Variants in CARF observed in about 807,000 individuals in gnomAD.
CARF encodes the protein calcium responsive transcription factor, also known as calcium-responsive transcription factor.
In CARF, 57 loss-of-function variants were observed where a neutral mutation model predicts 82.0. The observed-to-expected ratio is 0.70, with a 90% CI of 0.56 to 0.87. CARF has a LOEUF of 0.87. Among genes scored for constraint, CARF ranks in the 40% least tolerant of loss-of-function variants. CARF has a pLI of 0.00. For synonymous variants in CARF, 268 were observed against 290.1 expected (o/e 0.92, Z 0.77); for missense variants, 771 against 855.8 (o/e 0.90, Z 1.24).
chr2:202,964,337 T>A (rs1257614519), intron 9 of CARF, among the ~76,000 whole-genome samples: 1 of 152,128 alleles, frequency 6.6e-6, no homozygotes. Flanking sequence ...TGGAGTACAG[T>A]GGTGTGATCT....
rs762941191 is a variant in CARF at position 202,969,967 on chromosome 2, A to G, written c.1002A>G (p.Thr334=). The part of the protein sequence containing the change: ...VQKFPEYRVP[T]DPKIDKKIIR... Reference sequence around the variant, plus strand: ...AGTTTCCTGAATATAGAGTTCCTACAGACCCCAAAATTGACAAGAAAATTA... The same window carrying G: ...AGTTTCCTGAATATAGAGTTCCTACGGACCCCAAAATTGACAAGAAAATTA... Residue 334 remains threonine (T), a synonymous_variant, in exon 11 of 17, where the codon ACA becomes ACG. Transcript: ENST00000438828. The G allele has an allele frequency of 1.3e-6, 2 of 1,570,548 alleles. No individual in the cohort carries two copies. Among genetic ancestry groups the G allele is most frequent in the African/African-American group, 1.4e-5 (1 of 72,022 alleles).
At chr2:202,961,508 C>A in intron 9 of CARF, 82 bp downstream of exon 9, 1 of 1,255,310 alleles carries the variant, frequency 8.0e-7, no homozygotes, top group Non-Finnish European at 1.1e-6. Flanking sequence ...AAGGTGATAA[C>A]ATTTTTATTT....
rs543955666 is a variant in CARF, at chr2:202,937,903, G to A, written c.-43-3957G>A. Reference sequence around the variant, plus strand: ...GCCTCCCAAAGTGCAGGGATTATAGGTGTGAGCCGTTGCACCCAGCCAACT... The same window carrying A: ...GCCTCCCAAAGTGCAGGGATTATAGATGTGAGCCGTTGCACCCAGCCAACT... On this transcript the variant is annotated intron_variant, in intron 3 of 16. Coordinates refer to ENST00000438828, the MANE Select transcript of CARF (RefSeq NM_024744.17). Among the ~76,000 whole-genome samples the A allele has an allele frequency of 5.6e-4, 85 of 151,102 alleles. 2 individuals carry two copies. In the South Asian group the frequency reaches 0.017, roughly 31 times the overall value.
At position 202,982,547 on chromosome 2, in the gene CARF, T is replaced by G. The variant is rs1030636870; in HGVS notation, c.2059+106T>G. 19 of 1,302,080 alleles carry G rather than the reference T, an allele frequency of 1.5e-5. No individual in the cohort carries two copies. The East Asian group carries it at 4.3e-4, about 29-fold the overall frequency. The allele number at this position is 1,302,080 out of a possible 1,614,324, so 80.7% of individuals were successfully genotyped here. ...TTATTTCTACCCAGTGGGTCTATGA[T>G]ATTATGTAAATGAAGCAAAATTATG... is the stretch of plus-strand genomic sequence containing the variant. On this transcript the variant is annotated intron_variant, in intron 16 of 16. Transcript: ENST00000438828.
At chr2:202,958,181 A>G (rs1421510397) in intron 8 of CARF, among the ~76,000 whole-genome samples, 1 of 151,810 alleles carries the variant, frequency 6.6e-6, no homozygotes, top group Admixed American at 6.6e-5. Flanking sequence ...TGTGCTATAT[A>G]TATTACATTT....
chr2:202,943,508 G>A (rs1176859701), intron 5 of CARF, among the ~76,000 whole-genome samples: 1 of 150,834 alleles, frequency 6.6e-6, no homozygotes, highest in African/African-American at 2.4e-5. Context: ...TGTGCTTTGA[G>A]ATCAATTGGA....
chr2:202,917,189 C>T (rs1689861187), intron 1 of CARF, among the ~76,000 whole-genome samples: 1 of 107,594 alleles, frequency 9.3e-6, no homozygotes, highest in Non-Finnish European at 1.7e-5. Flanking sequence ...CCAGCCTGGG[C>T]GACAGAGCGA....
chr2:202,970,318 C>G (rs1009794883), intron 11 of CARF, among the ~76,000 whole-genome samples: 1 of 152,094 alleles, frequency 6.6e-6, no homozygotes, highest in African/African-American at 2.4e-5. Context: ...ATACCATATA[C>G]CATGTAAAAG....
intron 16 of CARF, 110 bp downstream of exon 16, chr2:202,982,551 A>C: frequency 8.2e-7 from 1 of 1,224,462 alleles, no homozygotes. Context: ...CTATGATATT[A>C]TGTAAATGAA....
At chr2:202,955,807 A>T (rs1002776458) in intron 8 of CARF, 49 bp downstream of exon 8, 31 of 1,437,162 alleles carry the variant, frequency 2.2e-5, no homozygotes, top group Non-Finnish European at 2.7e-5. Context: ...GATTATAACC[A>T]CAGGTCATCC....
chr2:202,971,685 A>G lies in CARF; in HGVS notation c.1278A>G (p.Gln426=). The G allele has an allele frequency of 6.2e-7, 1 of 1,613,620 alleles. No homozygotes were observed. Among genetic ancestry groups the G allele is most frequent in the Non-Finnish European group, 8.5e-7 (1 of 1,179,700 alleles). Residue 426 remains glutamine (Q), a synonymous_variant, in exon 12 of 17, where the codon CAA becomes CAG. Coordinates refer to ENST00000438828, the MANE Select transcript of CARF (RefSeq NM_024744.17). The stretch of plus-strand genomic sequence containing the variant: ...ATCCTCAAGTAGCACATAAGATTCA[A>G]GAATTAGTATCACAGGGAATAGAAC... ...RLHPQVAHKI[Q]ELVSQGIEQV...
At chr2:202,948,982 T>C (rs1302822716) in intron 5 of CARF, among the ~76,000 whole-genome samples, 2 of 152,120 alleles carry the variant, frequency 1.3e-5, no homozygotes, top group African/African-American at 2.4e-5. Context: ...TGGCTGTGGG[T>C]TTGTTAGCTA....
In CARF at chr2:202,982,055, T is replaced by C; in HGVS notation, c.1690-17T>C. ...AGGAAATTCAAACATTTTGATGTAC[T>C]CTTTTTGGTTTAAAAGGGTTTGCAG... On this transcript the variant is annotated splice_polypyrimidine_tract_variant and intron_variant, in intron 15 of 16. Coordinates refer to ENST00000438828, the MANE Select transcript of CARF (RefSeq NM_024744.17). 6.2e-7 allele frequency: 1 copy of C among 1,605,298 alleles called. No homozygotes were observed.
intron 8 of CARF, among the ~76,000 whole-genome samples, chr2:202,957,338 T>A (rs1285247815): frequency 6.6e-6 from 1 of 152,194 alleles, no homozygotes; most frequent in Non-Finnish European, 1.5e-5. Context: ...CCACTGTAGC[T>A]AGCTTCAAAG....
intron 10 of CARF, among the ~76,000 whole-genome samples, chr2:202,967,515 G>A (rs1275005092): frequency 1.3e-5 from 2 of 152,148 alleles, no homozygotes; most frequent in South Asian, 2.1e-4. Flanking sequence ...TGAATGTAAT[G>A]ACATACTTTC....
chr2:202,940,386 G>T (rs1264582389), intron 3 of CARF, among the ~76,000 whole-genome samples: 1 of 152,008 alleles, frequency 6.6e-6, no homozygotes, highest in Non-Finnish European at 1.5e-5. Context: ...GCTTATCTCT[G>T]TGGTTCATTT....
Position 202,986,897 on chromosome 2 carries a change from T to TATATATAC in CARF, c.*3280_*3281insCATATATA, listed in dbSNP as rs2060466762. 17 of 135,906 alleles carry TATATATAC rather than the reference T, an allele frequency of 1.3e-4. No homozygotes were observed. Among genetic ancestry groups the TATATATAC allele is most frequent in the Non-Finnish European group, 1.6e-4 (10 of 62,558 alleles). 8.4% of individuals were successfully genotyped at this position (135,906 alleles called of 1,614,324 possible). On this transcript the variant is annotated 3_prime_UTR_variant, in exon 17 of 17. Coordinates refer to ENST00000438828, the MANE Select transcript of CARF (RefSeq NM_024744.17). ...ATATATATATATATATATATATATA[T>TATATATAC]ATATATATATAGCAACTTGATGTAT...
chr2:202,981,431 T>C, intron 14 of CARF, 124 bp from the exon 15 acceptor site: 1 of 710,220 alleles, frequency 1.4e-6, no homozygotes. Context: ...CTTATTGAAG[T>C]CCTTTGCAAA....
Position 202,942,810 on chromosome 2 carries a change from C to G in CARF, c.149C>G (p.Thr50Ser), listed in dbSNP as rs781381178. ...QNDSPTVLPI[T>S]TREANNSLIS... ...GATTCTCCTACAGTTTTGCCCATCA[C>G]TACTCGTGAAGCAAATAATTCACTC... Residue 50 changes from threonine (T) to serine (S), a missense_variant, in exon 5 of 17, where the codon ACT becomes AGT. Thr to Ser is a moderately conservative substitution (Grantham distance 58). Coordinates refer to ENST00000438828, the MANE Select transcript of CARF (RefSeq NM_024744.17). 2.5e-6 allele frequency: 4 copies of G among 1,613,892 alleles called. No homozygotes were observed. The East Asian group carries it at 6.7e-5, about 27-fold the overall frequency.
Sources: gnomAD v4.1 joint callset for allele counts (sites outside exome capture counted in the v4.1 genomes callset) on GRCh38, gnomAD v4.1.1 for gene constraint, MANE v1.5 for transcripts, NCBI Gene and HGNC (gene_info 2026-07-23, HGNC 2026-07-21) for gene names.